POLD1: variants seen among roughly 807,000 people sequenced by gnomAD.
POLD1 encodes the protein DNA polymerase delta catalytic subunit.
Under a neutral mutation model 129.7 loss-of-function variants are expected in POLD1, and 79 were observed. The observed-to-expected ratio is 0.61, with a 90% CI of 0.51 to 0.73. The LOEUF (loss-of-function observed/expected upper bound fraction) is 0.73, where lower values mean the gene tolerates loss of function less well. Among genes scored for constraint, POLD1 ranks in the 30% least tolerant of loss-of-function variants. The pLI is 0.00. For missense variants in POLD1, 1,338 were observed against 1,595.8 expected, an observed-to-expected ratio of 0.84 and a Z score of 2.75; for synonymous variants, 714 against 683.3, an observed-to-expected ratio of 1.04 and a Z score of -0.70.
At chr19:50,398,379 C>T (rs914969383) in intron 1 of POLD1, among the ~76,000 whole-genome samples, 1 of 151,874 alleles carries the variant, frequency 6.6e-6, no homozygotes, top group African/African-American at 2.4e-5. Flanking sequence ...CGAGACCAGC[C>T]TGGCCAACAT....
rs775264944 is a variant in POLD1 at position 50,416,628 on chromosome 19, G to A, written c.2972G>A (p.Cys991Tyr). Reference protein sequence around the residue: ...AVLLRGDHTRCKTVLTGKVGG... With the variant: ...AVLLRGDHTRYKTVLTGKVGG... ...CCTGCAGGGGGGGACCACACGCGCT[G>A]CAAGACGGTGCTCACGGGCAAGGTG... The change falls in exon 24 of 27, where the codon TGC (cysteine) becomes TAC (tyrosine). Residue 991 changes from cysteine (C) to tyrosine (Y), a missense_variant. This residue lies in a region of POLD1 where 286 missense variants were observed against 277.5 expected (regional missense o/e 1.03). Transcript: ENST00000440232. The A allele has an allele frequency of 1.5e-5, 24 of 1,565,016 alleles. 1 individual carries two copies. The South Asian group carries it at 2.7e-4, about 18-fold the overall frequency.
intron 17 of POLD1, among the ~76,000 whole-genome samples, chr19:50,412,833 C>T (rs531774215): frequency 5.6e-4 from 85 of 152,264 alleles, no homozygotes; most frequent in Non-Finnish European, 9.6e-4. Context: ...TGATCTCGAA[C>T]TCCTGACCTC....
intron 19 of POLD1, 43 bp downstream of exon 19, chr19:50,413,922 C>T (rs1203435694): frequency 1.3e-6 from 2 of 1,521,694 alleles, no homozygotes; most frequent in Non-Finnish European, 1.8e-6. Context: ...GTGCCCTCAT[C>T]AGGGTACTCA....
In POLD1 at chr19:50,407,043, C is replaced by T. The variant is rs1601219285; in HGVS notation, c.1555C>T (p.Pro519Ser). ...GTACTGCCTGAAGGATGCCTACCTG[C>T]CACTGCGGCTGCTGGAGCGGCTCAT... ...AVYCLKDAYL[P>S]LRLLERLMVL... Residue 519 changes from proline to serine, a missense_variant, in exon 13 of 27, where the codon CCA becomes TCA. By Grantham distance (74) the Pro-to-Ser change is moderately conservative (BLOSUM62 -1). Around this residue, in one of 3 missense-constraint regions of POLD1, gnomAD observed 720 missense variants for 1,002.6 expected, o/e 0.72. Transcript: ENST00000440232. 1 of 1,613,818 alleles carries T rather than the reference C, an allele frequency of 6.2e-7. No homozygotes were observed. The highest frequency in any genetic ancestry group is 8.5e-7 in the Non-Finnish European group (1 of 1,180,004).
At position 50,413,482 on chromosome 19, in the gene POLD1, T is replaced by G. The variant is rs757994969; in HGVS notation, c.2211T>G (p.Ser737=). The G allele has an allele frequency of 6.2e-7, 1 of 1,612,908 alleles. No individual in the cohort carries two copies. Among genetic ancestry groups the G allele is most frequent in the East Asian group, 2.2e-5 (1 of 44,826 alleles). ...MIEKTKQLVE[S]KYTVENGYST... Reference sequence around the variant, plus strand: ...AGAAAACCAAGCAGCTGGTGGAGTCTAAGTACACAGTGGAGAATGGCTACA... The same window carrying G: ...AGAAAACCAAGCAGCTGGTGGAGTCGAAGTACACAGTGGAGAATGGCTACA... The change falls in exon 18 of 27, where the codon TCT becomes TCG. Residue 737 remains serine, a synonymous_variant. Coordinates refer to ENST00000440232, the MANE Select transcript of POLD1 (RefSeq NM_002691.4).
At position 50,408,792 on chromosome 19, in the gene POLD1, G is replaced by A. The variant is rs200864923; in HGVS notation, c.1783G>A (p.Asp595Asn). ...CGGCTGCTCCCCTCCCAGGTACTAC[G>A]ACGTCCCCATCGCCACCCTGGACTT... is the stretch of plus-strand genomic sequence containing the variant. ...TVIEPLKGYY[D>N]VPIATLDFSS... is the part of the protein sequence containing the mutation. Residue 595 changes from aspartate (D) to asparagine (N), a missense_variant, in exon 15 of 27, where the codon GAC becomes AAC. Coordinates refer to ENST00000440232, the MANE Select transcript of POLD1 (RefSeq NM_002691.4). The A allele has an allele frequency of 4.3e-6, 7 of 1,613,734 alleles. No homozygotes were observed. The highest frequency in any genetic ancestry group is 4.5e-5 in the East Asian group (2 of 44,882).
chr19:50,393,089 T>C (rs1233291464), intron 1 of POLD1, among the ~76,000 whole-genome samples: 1 of 152,234 alleles, frequency 6.6e-6, no homozygotes, highest in African/African-American at 2.4e-5. Context: ...TCTTATGTGA[T>C]AATATATCTA....
At chr19:50,397,536 C>G (rs1232192717) in intron 1 of POLD1, among the ~76,000 whole-genome samples, 2 of 151,534 alleles carry the variant, frequency 1.3e-5, no homozygotes, top group Non-Finnish European at 1.5e-5. Flanking sequence ...TCCTGAGTAG[C>G]TGGGATTACA....
chr19:50,402,344 C>G lies in POLD1; in HGVS notation c.729C>G (p.Pro243=). The change falls in exon 6 of 27, where the codon CCC becomes CCG. Residue 243 remains proline (P), a synonymous_variant. Coordinates refer to ENST00000440232, the MANE Select transcript of POLD1 (RefSeq NM_002691.4). ...GCCTGGGCACGCCCAGCTTCGCGCC[C>G]TACGAGGCCAACGTCGACTTTGAGA... is the stretch of plus-strand genomic sequence containing the variant. ...VAGLGTPSFA[P]YEANVDFEIR... The G allele has an allele frequency of 6.2e-7, 1 of 1,611,156 alleles. No homozygotes were observed. Among genetic ancestry groups the G allele is most frequent in the Non-Finnish European group, 8.5e-7 (1 of 1,177,812 alleles).
At chr19:50,405,696 A>G (rs532612510) in intron 10 of POLD1, among the ~76,000 whole-genome samples, 1 of 151,980 alleles carries the variant, frequency 6.6e-6, no homozygotes, top group South Asian at 2.1e-4. Flanking sequence ...GGTGTCCCTC[A>G]CCCTCTGCCC....
rs749873325 is a variant in POLD1, at chr19:50,407,386, G to A, written c.1746G>A (p.Thr582=). The A allele has an allele frequency of 3.1e-5, 50 of 1,610,422 alleles. No homozygotes were observed. The Admixed American group carries it at 3.3e-4, about 11-fold the overall frequency. The part of the protein sequence containing the change: ...VVKSEGGEDY[T]GATVIEPLKG... ...AGTCAGAGGGCGGCGAGGACTACAC[G>A]GGAGCCACTGTCATCGAGCCCCTCA... is the stretch of plus-strand genomic sequence containing the variant. The change falls in exon 14 of 27, where the codon ACG becomes ACA. Residue 582 remains threonine, a synonymous_variant. Transcript: ENST00000440232.
In POLD1 at chr19:50,409,317, G is replaced by A; in HGVS notation, c.2006+82G>A. 1 of 1,243,900 alleles carries A rather than the reference G, an allele frequency of 8.0e-7. No individual in the cohort carries two copies. The highest frequency in any genetic ancestry group is 1.3e-5 in the South Asian group (1 of 79,662). 77.1% of individuals were successfully genotyped at this position (1,243,900 alleles called of 1,614,324 possible). The stretch of plus-strand genomic sequence containing the variant: ...CCCTGTCCCTCACTGGGACACCCCA[G>A]GGCTGCCCAGCCACCCTGCCCTCAG... On this transcript the variant is annotated intron_variant, in intron 16 of 26. Transcript: ENST00000440232. The surrounding 1 kb of genome is among the most constrained non-coding windows in gnomAD (Gnocchi z 5.8).
chr19:50,385,523 TCTC>T (rs2037939070), intron 1 of POLD1, among the ~76,000 whole-genome samples: 1 of 142,332 alleles, frequency 7.0e-6, no homozygotes, highest in South Asian at 2.2e-4. Flanking sequence ...GCCACTGTCT[TCTC>T]TTTTTTTTTT....
chr19:50,416,629 C>G lies in POLD1; in HGVS notation c.2973C>G (p.Cys991Trp), dbSNP rs944183404. ...AVLLRGDHTR[C>W]KTVLTGKVGG... ...CTGCAGGGGGGGACCACACGCGCTG[C>G]AAGACGGTGCTCACGGGCAAGGTGG... The change falls in exon 24 of 27, where the codon TGC (cysteine) becomes TGG (tryptophan). Residue 991 changes from cysteine (C) to tryptophan (W), a missense_variant. By Grantham distance (215) the Cys-to-Trp change is radical. Around this residue, in one of 3 missense-constraint regions of POLD1, gnomAD observed 286 missense variants for 277.5 expected, o/e 1.03. Transcript: ENST00000440232. The G allele has an allele frequency of 2.7e-5, 42 of 1,565,310 alleles. No homozygotes were observed. Among genetic ancestry groups the G allele is most frequent in the Non-Finnish European group, 3.4e-5 (39 of 1,159,442 alleles).
In POLD1 at chr19:50,417,702, G is replaced by T. The variant is rs3219454; in HGVS notation, c.3219-140G>T. The T allele has an allele frequency of 0.12, 22,830 of 193,844 alleles. 1,615 individuals carry two copies. The highest frequency in any genetic ancestry group is 0.23 in the South Asian group (3,342 of 14,792). The allele number at this position is 193,844 out of a possible 1,614,324, so 12.0% of individuals were successfully genotyped here. On this transcript the variant is annotated intron_variant, in intron 26 of 26. Coordinates refer to ENST00000440232, the MANE Select transcript of POLD1 (RefSeq NM_002691.4). Reference sequence around the variant, plus strand: ...CCCCCACCCCCCCCGTGCCTGCTGAGCAAACAGCCCGCTGCGGGAGGGGGC... The same window carrying T: ...CCCCCACCCCCCCCGTGCCTGCTGATCAAACAGCCCGCTGCGGGAGGGGGC...
intron 20 of POLD1, 104 bp downstream of exon 20, chr19:50,415,094 G>A (rs1336139554): frequency 4.5e-6 from 5 of 1,121,792 alleles, no homozygotes; most frequent in Admixed American, 3.1e-5. Flanking sequence ...CAGACCCACG[G>A]GTCCAGGCCC....
chr19:50,386,202 C>T (rs1011964196), intron 1 of POLD1, among the ~76,000 whole-genome samples: 1 of 151,826 alleles, frequency 6.6e-6, no homozygotes, highest in Non-Finnish European at 1.5e-5. Context: ...TGCAGTGGCG[C>T]GATCTCGGCT....
intron 3 of POLD1, among the ~76,000 whole-genome samples, chr19:50,400,522 ATTTT>A (rs1016107364): frequency 2.4e-4 from 15 of 63,520 alleles, no homozygotes; most frequent in African/African-American, 1.2e-3. Context: ...TGCCCCGCCT[ATTTT>A]TTTTTTTTTT....
At chr19:50,408,733 C>A in intron 14 of POLD1, 52 bp from the exon 15 acceptor site, 1 of 1,591,596 alleles carries the variant, frequency 6.3e-7, no homozygotes, top group Non-Finnish European at 8.5e-7. Flanking sequence ...AGGGCGGGGG[C>A]GGCATGGGAA....
Sources: gnomAD v4.1 joint callset for allele counts (sites outside exome capture counted in the v4.1 genomes callset) on GRCh38, gnomAD v4.1.1 for gene constraint, gnomAD v4.1.1 regional missense constraint, Gnocchi (gnomAD v3.1) non-coding constraint, MANE v1.5 for transcripts, NCBI Gene and HGNC (gene_info 2026-07-23, HGNC 2026-07-21) for gene names.